Variants in EPHA3 observed in about 807,000 individuals in gnomAD.
EPHA3 encodes the protein EPH receptor A3, also known as ephrin type-A receptor 3.
Under a neutral mutation model 107.1 loss-of-function variants are expected in EPHA3, and 42 were observed. The observed-to-expected ratio is 0.39, with a 90% CI of 0.31 to 0.51. The LOEUF is 0.51. Ranked by LOEUF, EPHA3 falls within the 20% of genes least tolerant of loss-of-function variation. The probability of loss-of-function intolerance (pLI) is 0.78; values close to 1 mark genes in which losing one functional copy is unlikely to be tolerated. For synonymous variants in EPHA3, 461 were observed against 424.8 expected, an observed-to-expected ratio of 1.09 and a Z score of -1.05; for missense variants, 1,183 against 1,211.2, an observed-to-expected ratio of 0.98 and a Z score of 0.35.
chr3:89,305,075 T>C (rs919094374), intron 3 of EPHA3, among the ~76,000 whole-genome samples: 4 of 152,222 alleles, frequency 2.6e-5, no homozygotes, highest in African/African-American at 9.6e-5. Context: ...GCAATTTTTA[T>C]GTGATCCATG....
intron 2 of EPHA3, among the ~76,000 whole-genome samples, chr3:89,209,360 TA>T (rs1175580377): frequency 1.3e-5 from 2 of 152,114 alleles, no homozygotes; most frequent in African/African-American, 4.8e-5. Flanking sequence ...GACAGTACAT[TA>T]AAAAATGTCA....
chr3:89,399,631 C>CT (rs1270046819), intron 7 of EPHA3, 151 bp downstream of exon 7: 1 of 1,363,206 alleles, frequency 7.3e-7, no homozygotes. Context: ...AGCCCTGTGT[C>CT]TGTATACAGT....
At chr3:89,212,753 A>G (rs760518267) in intron 3 of EPHA3, among the ~76,000 whole-genome samples, 1 of 152,026 alleles carries the variant, frequency 6.6e-6, no homozygotes, top group Non-Finnish European at 1.5e-5. Context: ...TCCTTCTCAT[A>G]TAAACTTTGT....
At chr3:89,294,765 A>T (rs1416705650) in intron 3 of EPHA3, among the ~76,000 whole-genome samples, 2 of 152,188 alleles carry the variant, frequency 1.3e-5, no homozygotes, top group Non-Finnish European at 2.9e-5. Context: ...ATGCCTACTA[A>T]TGCTAACATC....
intron 2 of EPHA3, among the ~76,000 whole-genome samples, chr3:89,203,065 GGAC>G (rs1706009900): frequency 1.3e-5 from 2 of 152,228 alleles, no homozygotes; most frequent in African/African-American, 4.8e-5. Context: ...GACAGGGGAA[GGAC>G]GACATTTTAG....
At chr3:89,230,824 T>TCACACACACA (rs61566796) in intron 3 of EPHA3, among the ~76,000 whole-genome samples, 15 of 139,570 alleles carry the variant, frequency 1.1e-4, no homozygotes, top group African/African-American at 4.0e-4. Context: ...TCTCTCTCTC[T>TCACACACACA]CACACACACA....
intron 3 of EPHA3, among the ~76,000 whole-genome samples, chr3:89,304,866 T>G (rs1191690391): frequency 6.6e-6 from 1 of 152,172 alleles, no homozygotes; most frequent in Non-Finnish European, 1.5e-5. Context: ...CCTAAGCACC[T>G]TGAAAAGATC....
intron 2 of EPHA3, among the ~76,000 whole-genome samples, chr3:89,148,143 C>G (rs537676307): frequency 1.3e-5 from 2 of 151,908 alleles, no homozygotes; most frequent in African/African-American, 4.8e-5. Context: ...CACATGTGCT[C>G]TCTGTGTGTG....
At chr3:89,220,078 C>G (rs570456317) in intron 3 of EPHA3, among the ~76,000 whole-genome samples, 1 of 152,084 alleles carries the variant, frequency 6.6e-6, no homozygotes, top group Admixed American at 6.6e-5. Flanking sequence ...AGATGCCACA[C>G]ATGTTGCTAA....
chr3:89,375,691 C>T (rs1041040088), intron 5 of EPHA3, among the ~76,000 whole-genome samples: 15 of 151,864 alleles, frequency 9.9e-5, no homozygotes, highest in African/African-American at 3.4e-4. Flanking sequence ...AAAAGAAGCC[C>T]TCAGTCATAC....
At chr3:89,330,259 CACTA>C (rs957633768) in intron 3 of EPHA3, among the ~76,000 whole-genome samples, 38 of 152,072 alleles carry the variant, frequency 2.5e-4, no homozygotes, top group African/African-American at 8.4e-4. Flanking sequence ...CCTAAAATTA[CACTA>C]ACTCTTACTT....
At chr3:89,323,195 G>A (rs1316258547) in intron 3 of EPHA3, among the ~76,000 whole-genome samples, 2 of 152,006 alleles carry the variant, frequency 1.3e-5, no homozygotes, top group Non-Finnish European at 2.9e-5. Flanking sequence ...TACACAATAT[G>A]TAAGCATTTA....
intron 3 of EPHA3, among the ~76,000 whole-genome samples, chr3:89,262,480 A>C (rs1042486195): frequency 3.3e-5 from 5 of 152,172 alleles, no homozygotes; most frequent in African/African-American, 4.8e-5. Flanking sequence ...AGTCTTCACA[A>C]GGCCTTATTC....
At chr3:89,279,120 T>C (rs1180363264) in intron 3 of EPHA3, among the ~76,000 whole-genome samples, 4 of 152,138 alleles carry the variant, frequency 2.6e-5, no homozygotes, top group Non-Finnish European at 4.4e-5. Context: ...GTTTTGCAAG[T>C]AAATAGCTAA....
intron 13 of EPHA3, among the ~76,000 whole-genome samples, chr3:89,440,245 C>A (rs1189556926): frequency 6.6e-6 from 1 of 152,100 alleles, no homozygotes; most frequent in South Asian, 2.1e-4. Flanking sequence ...TCTATAGTTC[C>A]ACTTTTAACC....
intron 5 of EPHA3, among the ~76,000 whole-genome samples, chr3:89,375,594 C>T (rs937091017): frequency 1.3e-5 from 2 of 151,314 alleles, no homozygotes; most frequent in Non-Finnish European, 1.5e-5. Context: ...GAGAGCTGTT[C>T]CAAAGATGAG....
intron 9 of EPHA3, 44 bp downstream of exon 9, chr3:89,408,175 G>A: frequency 1.3e-6 from 2 of 1,583,702 alleles, no homozygotes; most frequent in Non-Finnish European, 1.7e-6. Flanking sequence ...CACCGTTTTA[G>A]CTTTAGCAGT....
chr3:89,118,291 A>G (rs1263638681), intron 1 of EPHA3, among the ~76,000 whole-genome samples: 2 of 151,962 alleles, frequency 1.3e-5, no homozygotes, highest in South Asian at 2.1e-4. Flanking sequence ...CATGCTTAAC[A>G]ATGGTTTTTT....
chr3:89,448,166 G>A (rs967222475), intron 13 of EPHA3, among the ~76,000 whole-genome samples: 15 of 152,068 alleles, frequency 9.9e-5, no homozygotes, highest in Non-Finnish European at 7.3e-5. Context: ...TCTACTCAGG[G>A]TAAGTTCCAT....
Sources: gnomAD v4.1 joint callset for allele counts (sites outside exome capture counted in the v4.1 genomes callset) on GRCh38, gnomAD v4.1.1 for gene constraint, MANE v1.5 for transcripts, NCBI Gene and HGNC (gene_info 2026-07-23, HGNC 2026-07-21) for gene names.